The following CDC40 variants were observed in gnomAD, a reference collection of about 807,000 sequenced individuals.
CDC40 encodes the protein cell division cycle 40.
CDC40 carries 27 observed loss-of-function variants against 80.6 expected under a neutral mutation model. That is an observed-to-expected ratio of 0.33 (90% confidence interval 0.25 to 0.46). CDC40 has a LOEUF of 0.46. Ranked by LOEUF, CDC40 falls within the 20% of genes least tolerant of loss-of-function variation. The pLI is 1.00. For missense variants in CDC40, 486 were observed against 694.1 expected (o/e 0.70, Z 3.37); for synonymous variants, 221 against 232.6 (o/e 0.95, Z 0.45).
chr6:110,210,285 C>T (rs763290543), intron 5 of CDC40, among the ~76,000 whole-genome samples: 15 of 151,630 alleles, frequency 9.9e-5, no homozygotes, highest in South Asian at 2.1e-4. Context: ...TGAGCTTGGC[C>T]GGGCCTGTAA....
chr6:110,195,453 G>A (rs1311930914), intron 2 of CDC40, among the ~76,000 whole-genome samples: 1 of 152,050 alleles, frequency 6.6e-6, no homozygotes, highest in Non-Finnish European at 1.5e-5. Flanking sequence ...GTTTGAATTG[G>A]GCAATTCAAT....
intron 1 of CDC40, among the ~76,000 whole-genome samples, chr6:110,192,859 G>A (rs1777369461): frequency 6.6e-6 from 1 of 152,112 alleles, no homozygotes; most frequent in African/African-American, 2.4e-5. Flanking sequence ...TTTGAATTTG[G>A]CAGTAGAGGT....
chr6:110,195,603 T>C (rs1252531913), intron 2 of CDC40, among the ~76,000 whole-genome samples: 2 of 152,338 alleles, frequency 1.3e-5, no homozygotes, highest in Middle Eastern at 3.4e-3. Context: ...AGATAATGTA[T>C]GATATAGTTA....
intron 1 of CDC40, 139 bp downstream of exon 1, chr6:110,180,772 C>T (rs937242302): frequency 1.6e-6 from 1 of 644,482 alleles, no homozygotes; most frequent in Non-Finnish European, 2.7e-6. Context: ...TTCTCCTTCC[C>T]ACATGCATCC....
chr6:110,212,095 G>A (rs369306851), intron 6 of CDC40, 38 bp from the exon 7 acceptor site: 13 of 1,562,362 alleles, frequency 8.3e-6, no homozygotes, highest in Non-Finnish European at 8.8e-6. Flanking sequence ...ACTATGGGTT[G>A]TATTTGTTTA....
In CDC40 at chr6:110,200,378, G is replaced by A. The variant is rs116467469; in HGVS notation, c.277-1180G>A. Among the ~76,000 whole-genome samples, 995 of 152,226 alleles carry A rather than the reference G, an allele frequency of 6.5e-3. 8 individuals are homozygous for A. Among genetic ancestry groups the A allele is most frequent in the African/African-American group, 0.023 (955 of 41,526 alleles). On this transcript the variant is annotated intron_variant, in intron 2 of 14. Transcript: ENST00000307731. ...CTGGAAATGTATCGTAGAAGAGATG[G>A]TTTCTAATGGTAATGACCTACAATG...
chr6:110,185,239 T>TC (rs1234126634), intron 1 of CDC40, among the ~76,000 whole-genome samples: 4,736 of 145,272 alleles, frequency 0.033, 88 homozygotes, highest in Non-Finnish European at 0.041. Flanking sequence ...TCATCTTTTT[T>TC]TCTTTTTTTT....
At chr6:110,205,980 GA>G (rs911571499) in intron 3 of CDC40, among the ~76,000 whole-genome samples, 1 of 152,106 alleles carries the variant, frequency 6.6e-6, no homozygotes, top group African/African-American at 2.4e-5. Flanking sequence ...TTTTAATGCT[GA>G]AAAAAACTAT....
rs753408616 is a variant in CDC40 at position 110,228,886 on chromosome 6, A to G, written c.1472A>G (p.Gln491Arg). The G allele has an allele frequency of 5.0e-6, 8 of 1,605,060 alleles. No individual in the cohort carries two copies. The highest frequency in any genetic ancestry group is 1.7e-6 in the Non-Finnish European group (2 of 1,177,138). The change falls in exon 14 of 15, where the codon CAG becomes CGG. Residue 491 changes from glutamine to arginine, a missense_variant. Physicochemically the swap from Gln to Arg is conservative, Grantham distance 43 (BLOSUM62 1). Coordinates refer to ENST00000307731, the MANE Select transcript of CDC40 (RefSeq NM_015891.3). ...MDNQILIFGA[Q>R]NRFRLNKKKI... ...AACCAAATCTTAATTTTTGGAGCAC[A>G]GAACAGATTTAGATTAAATAAGAAA...
At position 110,204,437 on chromosome 6, in the gene CDC40, A is replaced by G. The variant is rs1295818264; in HGVS notation, c.406+2750A>G. Among the ~76,000 whole-genome samples, 6 of 152,294 alleles carry G rather than the reference A, an allele frequency of 3.9e-5. No individual in the cohort carries two copies. The East Asian group carries it at 7.7e-4, about 20-fold the overall frequency. On this transcript the variant is annotated intron_variant, in intron 3 of 14. Transcript: ENST00000307731. ...GTTTTCACTATTAAAAATGTGATGTATGTTATGCTACAAAGTGCATTTTAA... is the reference window on the plus strand; with the variant it reads ...GTTTTCACTATTAAAAATGTGATGTGTGTTATGCTACAAAGTGCATTTTAA...
intron 8 of CDC40, among the ~76,000 whole-genome samples, 197 bp downstream of exon 8, chr6:110,213,357 C>A (rs992650030): frequency 3.3e-5 from 5 of 151,798 alleles, no homozygotes; most frequent in Admixed American, 1.3e-4. Flanking sequence ...ATTGGCTAGG[C>A]CCCTTTTTTT....
intron 3 of CDC40, among the ~76,000 whole-genome samples, chr6:110,203,350 TTTG>T (rs1010896023): frequency 2.6e-5 from 4 of 152,152 alleles, no homozygotes; most frequent in South Asian, 2.1e-4. Context: ...CCTATCAACT[TTTG>T]TTGTTGTTGT....
intron 1 of CDC40, among the ~76,000 whole-genome samples, chr6:110,183,861 A>C (rs1562197973): frequency 6.6e-6 from 1 of 151,918 alleles, no homozygotes; most frequent in East Asian, 1.9e-4. Flanking sequence ...GGAAGCAACT[A>C]TTGGGTTGTC....
At chr6:110,200,657 A>G (rs895760537) in intron 2 of CDC40, among the ~76,000 whole-genome samples, 37 of 152,314 alleles carry the variant, frequency 2.4e-4, no homozygotes, top group Non-Finnish European at 4.9e-4. Context: ...AAGGAACTTT[A>G]TGATGTAATA....
At chr6:110,213,387 GTTTT>G (rs925612659) in intron 8 of CDC40, among the ~76,000 whole-genome samples, 3 of 147,322 alleles carry the variant, frequency 2.0e-5, no homozygotes, top group South Asian at 2.2e-4. Flanking sequence ...TTTGTTTTTT[GTTTT>G]TTTGTTTTTT....
chr6:110,225,072 T>C (rs1269146547), intron 12 of CDC40, among the ~76,000 whole-genome samples: 1 of 152,220 alleles, frequency 6.6e-6, no homozygotes, highest in East Asian at 1.9e-4. Flanking sequence ...CCCCAGGTTA[T>C]ACCTGAAAAT....
Position 110,213,601 on chromosome 6 carries a change from C to T in CDC40, c.942+441C>T, listed in dbSNP as rs139846438. 6.6e-5 allele frequency among the ~76,000 whole-genome samples: 10 copies of T among 152,144 alleles called. No individual in the cohort carries two copies. The East Asian group carries it at 1.5e-3, about 24-fold the overall frequency. ...TGAGAATGTAATCCAATCATTTTGG[C>T]TTTGGACATATAAATATTTAATCAC... is the stretch of plus-strand genomic sequence containing the variant. On this transcript the variant is annotated intron_variant, in intron 8 of 14. Transcript: ENST00000307731.
At chr6:110,194,289 C>T (rs1300938204) in intron 2 of CDC40, among the ~76,000 whole-genome samples, 1 of 152,112 alleles carries the variant, frequency 6.6e-6, no homozygotes, top group Admixed American at 6.5e-5. Context: ...CTTTAAGAAG[C>T]ACTTTCAAGA....
intron 6 of CDC40, chr6:110,211,320 C>A (rs1777634470): frequency 2.0e-5 from 3 of 152,106 alleles, no homozygotes; most frequent in Non-Finnish European, 2.9e-5. Flanking sequence ...CGTAAGTATT[C>A]TAGAATGTAC....
Sources: allele counts gnomAD v4.1 joint callset (sites outside exome capture counted in the v4.1 genomes callset), GRCh38; gene constraint gnomAD v4.1.1; transcripts MANE v1.5; gene names NCBI Gene and HGNC (gene_info 2026-07-23, HGNC 2026-07-21).